Variants in GNPAT observed in about 807,000 individuals in gnomAD.
GNPAT encodes dihydroxyacetone phosphate acyltransferase.
Under a neutral mutation model 78.4 loss-of-function variants are expected in GNPAT, and 30 were observed. That is an observed-to-expected ratio of 0.38 (90% confidence interval 0.29 to 0.52). The LOEUF (loss-of-function observed/expected upper bound fraction) is 0.52, where lower values mean the gene tolerates loss of function less well. GNPAT is among the 20% of genes least tolerant of loss of function. The pLI, the probability that GNPAT is intolerant of heterozygous loss-of-function variation, is 0.84. For missense variants in GNPAT, 714 were observed against 812.2 expected (o/e 0.88, Z 1.47); for synonymous variants, 271 against 281.1 (o/e 0.96, Z 0.36).
intron 2 of GNPAT, among the ~76,000 whole-genome samples, chr1:231,259,880 T>C (rs1039236318): frequency 6.6e-6 from 1 of 152,180 alleles, no homozygotes; most frequent in African/African-American, 2.4e-5. Context: ...AAATCAGGGC[T>C]TCCTCAAGGA....
Position 231,265,366 on chromosome 1 carries a change from T to G in GNPAT, c.642T>G (p.Gly214=). Residue 214 remains glycine, a synonymous_variant, in exon 5 of 16, where the codon GGT becomes GGG. Transcript: ENST00000366647. Reference sequence around the variant, plus strand: ...CCTTTTTCATGCGGCGTACCTTTGGTGGCAATAAACTCTACTGGGCTGTAT... The same window carrying G: ...CCTTTTTCATGCGGCGTACCTTTGGGGGCAATAAACTCTACTGGGCTGTAT... ...SGAFFMRRTF[G]GNKLYWAVFS... The G allele has an allele frequency of 1.2e-6, 2 of 1,610,108 alleles. No individual in the cohort carries two copies. The highest frequency in any genetic ancestry group is 8.5e-7 in the Non-Finnish European group (1 of 1,176,366).
At chr1:231,277,192 C>T (rs1166120189) in intron 15 of GNPAT, among the ~76,000 whole-genome samples, 4 of 152,180 alleles carry the variant, frequency 2.6e-5, no homozygotes, top group Admixed American at 6.5e-5. Flanking sequence ...GTGAGGGTGA[C>T]GGAATCAATT....
chr1:231,256,606 C>G (rs1008851204), intron 2 of GNPAT, among the ~76,000 whole-genome samples: 2 of 151,004 alleles, frequency 1.3e-5, no homozygotes, highest in African/African-American at 4.9e-5. Context: ...CCTGCCTCAG[C>G]CTCCCAAGTA....
intron 9 of GNPAT, among the ~76,000 whole-genome samples, chr1:231,268,317 A>C (rs528137299): frequency 1.0e-3 from 153 of 152,294 alleles, no homozygotes; most frequent in Non-Finnish European, 1.9e-3. Flanking sequence ...AGAAAGAAAA[A>C]GAGAAAGGAC....
At chr1:231,268,138 T>TA (rs1685443752) in intron 9 of GNPAT, among the ~76,000 whole-genome samples, 1 of 151,868 alleles carries the variant, frequency 6.6e-6, no homozygotes, top group African/African-American at 2.4e-5. Flanking sequence ...CCGTCTCTAC[T>TA]AAAAAATAGA....
rs566655802 is a variant in GNPAT at position 231,271,750 on chromosome 1, A to G, written c.1523-562A>G. ...GGAAAAATGAAGCGTCCTGGCCTCT[A>G]AGGACTGTGATGTCTCGCTGAGTAG... On this transcript the variant is annotated intron_variant, in intron 10 of 15. Coordinates refer to ENST00000366647, the MANE Select transcript of GNPAT (RefSeq NM_014236.4). 4.6e-5 allele frequency among the ~76,000 whole-genome samples: 7 copies of G among 152,336 alleles called. No homozygotes were observed. In the South Asian group the frequency reaches 1.4e-3, roughly 32 times the overall value.
At chr1:231,245,696 G>A (rs953096807) in intron 1 of GNPAT, among the ~76,000 whole-genome samples, 7 of 152,190 alleles carry the variant, frequency 4.6e-5, no homozygotes, top group South Asian at 2.1e-4. Context: ...ATAGCCGGGC[G>A]CTGTGGCTTA....
rs184949677 is a variant in GNPAT, at chr1:231,260,637, A to C, written c.392A>C (p.Lys131Thr). The change falls in exon 3 of 16, where the codon AAA becomes ACA. Residue 131 changes from lysine (K) to threonine (T), a missense_variant. Coordinates refer to ENST00000366647, the MANE Select transcript of GNPAT (RefSeq NM_014236.4). ...FCAFTLSKVFKQIFSKVCVNE... is the reference protein window; with the variant it reads ...FCAFTLSKVFTQIFSKVCVNE... ...GCCTTCACCCTGAGCAAAGTATTTA[A>C]ACAAATTTTCTCGAAGGTGTGTGTA... 9 of 1,613,498 alleles carry C rather than the reference A, an allele frequency of 5.6e-6. No individual in the cohort carries two copies. The African/African-American group carries it at 1.2e-4, about 22-fold the overall frequency.
At chr1:231,274,093 C>G (rs749840697) in intron 12 of GNPAT, 31 bp downstream of exon 12, 8 of 1,583,366 alleles carry the variant, frequency 5.1e-6, no homozygotes, top group Non-Finnish European at 6.9e-6. Context: ...CTCCTTCATG[C>G]CCCCCATATC....
At chr1:231,251,428 T>C (rs569754869) in intron 2 of GNPAT, among the ~76,000 whole-genome samples, 1 of 152,200 alleles carries the variant, frequency 6.6e-6, no homozygotes, top group African/African-American at 2.4e-5. Context: ...GCTAATTAAT[T>C]ATAGGGGCAA....
At chr1:231,243,480 C>T (rs938704379) in intron 1 of GNPAT, among the ~76,000 whole-genome samples, 2 of 152,070 alleles carry the variant, frequency 1.3e-5, no homozygotes, top group African/African-American at 2.4e-5. Flanking sequence ...CACGCCACCC[C>T]GCCCTGCTAA....
chr1:231,272,475 G>A lies in GNPAT; in HGVS notation c.1602+84G>A. The A allele has an allele frequency of 3.8e-6, 3 of 788,736 alleles. No homozygotes were observed. In the South Asian group the frequency reaches 4.0e-5, roughly 11 times the overall value. 48.9% of individuals were successfully genotyped at this position (788,736 alleles called of 1,614,324 possible). ...GGGTGAATTCACAGATGTGTCTCAG[G>A]CAGTGTGCCATCCCTTTCTTCAAGG... On this transcript the variant is annotated intron_variant, in intron 11 of 15. Transcript: ENST00000366647.
chr1:231,270,799 C>T lies in GNPAT; in HGVS notation c.1321C>T (p.Leu441=), dbSNP rs182550489. ...AEEVVPASIL[L]HSNIASLVKD... Reference sequence around the variant, plus strand: ...AGAAGTTGTCCCGGCCAGCATTCTTCTGCATTCCAACATTGCCAGCCTTGT... The same window carrying T: ...AGAAGTTGTCCCGGCCAGCATTCTTTTGCATTCCAACATTGCCAGCCTTGT... The change falls in exon 10 of 16, where the codon CTG becomes TTG. Residue 441 remains leucine (L), a synonymous_variant. Coordinates refer to ENST00000366647, the MANE Select transcript of GNPAT (RefSeq NM_014236.4). The T allele has an allele frequency of 5.0e-6, 8 of 1,614,112 alleles. No individual in the cohort carries two copies. The East Asian group carries it at 1.8e-4, about 36-fold the overall frequency.
chr1:231,277,177 G>A (rs1459190837), intron 15 of GNPAT, among the ~76,000 whole-genome samples: 7 of 152,208 alleles, frequency 4.6e-5, no homozygotes, highest in South Asian at 4.1e-4. Flanking sequence ...CAAACACCTC[G>A]CCCTGTGAGG....
Position 231,266,027 on chromosome 1 carries a change from T to C in GNPAT, c.786T>C (p.Ile262=), listed in dbSNP as rs756568901. 3 of 1,612,636 alleles carry C rather than the reference T, an allele frequency of 1.9e-6. No homozygotes were observed. In the East Asian group the frequency reaches 6.7e-5, roughly 36 times the overall value. The part of the protein sequence containing the change: ...TLTPKFGLLN[I]VMEPFFKREV... ...TGTGTTTTGCAGGTCTTCTGAATAT[T>C]GTGATGGAGCCATTTTTTAAAAGAG... Residue 262 remains isoleucine (I), a synonymous_variant, in exon 7 of 16, where the codon ATT becomes ATC. Transcript: ENST00000366647.
intron 2 of GNPAT, among the ~76,000 whole-genome samples, chr1:231,254,795 C>T (rs1685000680): frequency 6.6e-6 from 1 of 151,358 alleles, no homozygotes; most frequent in Admixed American, 6.6e-5. Context: ...CTCTGTCTCC[C>T]AGACTGGAGT....
At chr1:231,245,542 G>T (rs1285644366) in intron 1 of GNPAT, among the ~76,000 whole-genome samples, 1 of 152,132 alleles carries the variant, frequency 6.6e-6, no homozygotes, top group Non-Finnish European at 1.5e-5. Flanking sequence ...GAGCCACCAT[G>T]CCCTGACCGC....
Position 231,267,801 on chromosome 1 carries a change from C to G in GNPAT, c.1177C>G (p.Leu393Val). 1.2e-6 allele frequency: 2 copies of G among 1,613,500 alleles called. No homozygotes were observed. The highest frequency in any genetic ancestry group is 1.7e-6 in the Non-Finnish European group (2 of 1,179,404). Residue 393 changes from leucine to valine, a missense_variant, in exon 9 of 16, where the codon CTG (leucine) becomes GTG (valine). Coordinates refer to ENST00000366647, the MANE Select transcript of GNPAT (RefSeq NM_014236.4). The stretch of plus-strand genomic sequence containing the variant: ...CCCCTGGACCCTAATAGTTGCTGTT[C>G]TGCTTCAGAACCGGCCATCCATGGA... ...LSPWTLIVAV[L>V]LQNRPSMDFD...
chr1:231,258,670 C>T (rs866497144), intron 2 of GNPAT, among the ~76,000 whole-genome samples: 10 of 110,640 alleles, frequency 9.0e-5, no homozygotes, highest in Admixed American at 2.9e-4. Context: ...CTCGCTCTGT[C>T]GCCCCGGCTG....
Sources: gnomAD v4.1 joint callset for allele counts (sites outside exome capture counted in the v4.1 genomes callset) on GRCh38, gnomAD v4.1.1 for gene constraint, MANE v1.5 for transcripts, NCBI Gene and HGNC (gene_info 2026-07-23, HGNC 2026-07-21) for gene names.